ASCC3: variants seen among roughly 807,000 people sequenced by gnomAD.
ASCC3 encodes the protein activating signal cointegrator 1 complex subunit 3, also known as ASC-1 complex subunit P200.
ASCC3 carries 158 observed loss-of-function variants against 256.3 expected under a neutral mutation model. The ratio of observed to expected loss-of-function variants is 0.62; its 90% CI spans 0.54 to 0.70. The LOEUF is 0.70. ASCC3 is among the 30% of genes least tolerant of loss of function. The pLI, the probability that ASCC3 is intolerant of heterozygous loss-of-function variation, is 0.00. For missense variants in ASCC3, 2,259 were observed against 2,626.0 expected (o/e 0.86, Z 3.05); for synonymous variants, 948 against 883.4 (o/e 1.07, Z -1.30).
intron 33 of ASCC3, among the ~76,000 whole-genome samples, chr6:100,604,385 T>A (rs1772780072): frequency 6.6e-6 from 1 of 152,020 alleles, no homozygotes; most frequent in South Asian, 2.1e-4. Flanking sequence ...TTTTTCTTTC[T>A]TTGAGTTTAA....
chr6:100,754,099 A>G (rs1781064887), intron 10 of ASCC3, among the ~76,000 whole-genome samples: 1 of 152,206 alleles, frequency 6.6e-6, no homozygotes, highest in Non-Finnish European at 1.5e-5. Flanking sequence ...ATTTGTTTTA[A>G]GAAAACATTT....
chr6:100,763,249 T>C (rs1419154915), intron 10 of ASCC3, among the ~76,000 whole-genome samples: 3 of 152,156 alleles, frequency 2.0e-5, no homozygotes, highest in Non-Finnish European at 4.4e-5. Context: ...AGAAACTATA[T>C]AGTTTCAGTT....
intron 13 of ASCC3, among the ~76,000 whole-genome samples, chr6:100,683,460 G>A (rs1777404234): frequency 6.6e-6 from 1 of 152,146 alleles, no homozygotes; most frequent in South Asian, 2.1e-4. Context: ...GTCGTGTTAA[G>A]TAAAATAAAC....
At chr6:100,710,786 T>C (rs1314632747) in intron 13 of ASCC3, among the ~76,000 whole-genome samples, 1 of 152,162 alleles carries the variant, frequency 6.6e-6, no homozygotes, top group African/African-American at 2.4e-5. Context: ...CAGCTGCATT[T>C]TATTTTTTAA....
intron 8 of ASCC3, among the ~76,000 whole-genome samples, chr6:100,781,679 C>A (rs978278644): frequency 2.0e-5 from 3 of 151,852 alleles, no homozygotes; most frequent in Non-Finnish European, 4.4e-5. Context: ...TGAGCCACCG[C>A]GCCCGGCCAG....
intron 4 of ASCC3, among the ~76,000 whole-genome samples, chr6:100,836,745 T>C (rs1180300943): frequency 6.6e-6 from 1 of 152,140 alleles, no homozygotes; most frequent in Non-Finnish European, 1.5e-5. Flanking sequence ...ATCAGGATAG[T>C]GCTTAGCCTG....
chr6:100,618,911 C>T (rs1346472087), intron 30 of ASCC3, among the ~76,000 whole-genome samples: 1 of 152,158 alleles, frequency 6.6e-6, no homozygotes, highest in East Asian at 1.9e-4. Context: ...CTGAGGAACT[C>T]ACTTCATAAA....
chr6:100,739,514 G>A (rs1356400704), intron 10 of ASCC3, among the ~76,000 whole-genome samples: 1 of 152,102 alleles, frequency 6.6e-6, no homozygotes, highest in South Asian at 2.1e-4. Context: ...AGTAGAAATG[G>A]TATCAGCTCT....
intron 30 of ASCC3, among the ~76,000 whole-genome samples, chr6:100,619,650 C>T (rs1259424056): frequency 6.6e-6 from 1 of 152,012 alleles, no homozygotes; most frequent in Non-Finnish European, 1.5e-5. Flanking sequence ...ATCTATTTGG[C>T]CCCCTGGCTA....
intron 8 of ASCC3, among the ~76,000 whole-genome samples, chr6:100,797,192 G>A (rs1000007000): frequency 2.0e-5 from 3 of 152,106 alleles, no homozygotes; most frequent in Non-Finnish European, 2.9e-5. Flanking sequence ...GCTCATGCCT[G>A]TAATCTCAGC....
intron 4 of ASCC3, among the ~76,000 whole-genome samples, chr6:100,806,206 T>C (rs985441719): frequency 1.3e-5 from 2 of 152,066 alleles, no homozygotes; most frequent in Non-Finnish European, 2.9e-5. Context: ...CTCTTCAACA[T>C]ATCATTCTGG....
chr6:100,572,111 T>TC (rs554806102), intron 36 of ASCC3, among the ~76,000 whole-genome samples: 36 of 151,526 alleles, frequency 2.4e-4, no homozygotes, highest in African/African-American at 3.9e-4. Flanking sequence ...AATATTTGTA[T>TC]CCCCCCCCAT....
At chr6:100,526,141 GCTGT>G (rs764785980) in intron 37 of ASCC3, among the ~76,000 whole-genome samples, 27 of 152,300 alleles carry the variant, frequency 1.8e-4, no homozygotes, top group South Asian at 8.3e-4. Context: ...AAGCTCAGCT[GCTGT>G]CTAACAAACT....
intron 10 of ASCC3, among the ~76,000 whole-genome samples, chr6:100,745,350 T>C (rs1359314709): frequency 1.4e-5 from 2 of 146,532 alleles, no homozygotes; most frequent in African/African-American, 5.1e-5. Context: ...TAGCCAGGCA[T>C]GGTGGCAGGC....
chr6:100,787,893 C>T (rs6919283), intron 8 of ASCC3, among the ~76,000 whole-genome samples: 59,199 of 151,138 alleles, frequency 0.39, 12,850 homozygotes, highest in Middle Eastern at 0.57. Context: ...AAGAAAATTA[C>T]GAAGAAAATC....
chr6:100,745,793 A>T (rs1168554762), intron 10 of ASCC3, among the ~76,000 whole-genome samples: 1 of 152,018 alleles, frequency 6.6e-6, no homozygotes, highest in Non-Finnish European at 1.5e-5. Flanking sequence ...TACTGTATTG[A>T]GCAGTACTGC....
At chr6:100,617,978 G>C (rs1005555919) in intron 30 of ASCC3, among the ~76,000 whole-genome samples, 3 of 152,154 alleles carry the variant, frequency 2.0e-5, no homozygotes, top group Non-Finnish European at 4.4e-5. Context: ...TTACAGACTT[G>C]TATCTAATTG....
At chr6:100,724,046 G>T (rs1779499425) in intron 11 of ASCC3, among the ~76,000 whole-genome samples, 1 of 147,482 alleles carries the variant, frequency 6.8e-6, no homozygotes, top group Admixed American at 6.9e-5. Context: ...AAAGAGAGAA[G>T]ATGGCAAGTG....
chr6:100,814,149 C>G (rs1283672354), intron 4 of ASCC3, among the ~76,000 whole-genome samples: 6 of 152,064 alleles, frequency 3.9e-5, no homozygotes, highest in Non-Finnish European at 8.8e-5. Context: ...TTTAACATTA[C>G]AGGAGGTTAA....
Sources: allele counts gnomAD v4.1 joint callset (sites outside exome capture counted in the v4.1 genomes callset), GRCh38; gene constraint gnomAD v4.1.1; transcripts MANE v1.5; gene names NCBI Gene and HGNC (gene_info 2026-07-23, HGNC 2026-07-21).